LIPA: variants seen among roughly 807,000 people sequenced by gnomAD.
The protein encoded by LIPA is lipase A, lysosomal acid type.
LIPA carries 26 observed loss-of-function variants against 40.6 expected under a neutral mutation model. The ratio of observed to expected loss-of-function variants is 0.64; its 90% confidence interval spans 0.47 to 0.89. The LOEUF is 0.89. LIPA is among the 40% of genes least tolerant of loss of function. The pLI is 0.00. For missense variants in LIPA, 455 were observed against 479.6 expected (o/e 0.95, Z 0.48); for synonymous variants, 188 against 168.4 (o/e 1.12, Z -0.90).
rs906870648 is a variant in LIPA at position 89,282,581 on chromosome 10, G to A, written c.-1-34932C>T. Among the ~76,000 whole-genome samples, 12 of 152,068 alleles carry A rather than the reference G, an allele frequency of 7.9e-5. 1 individual carries two copies. In the South Asian group the frequency reaches 1.7e-3, roughly 21 times the overall value. On this transcript the variant is annotated intron_variant, in intron 1 of 5. Coordinates refer to the LIPA transcript ENST00000282673. Reference sequence around the variant, plus strand: ...CTTGAACCCAGGAGGCAGAGGTTGCGGTGAGCCGAGATCGTGCCATTGCAC... The same window carrying A: ...CTTGAACCCAGGAGGCAGAGGTTGCAGTGAGCCGAGATCGTGCCATTGCAC...
intron 8 of LIPA, among the ~76,000 whole-genome samples, chr10:89,220,165 C>T (rs1010982371): frequency 1.3e-5 from 2 of 152,200 alleles, no homozygotes; most frequent in Non-Finnish European, 2.9e-5. Context: ...TTGGTTTCAA[C>T]ATTCCCAAGG....
intron 2 of LIPA, among the ~76,000 whole-genome samples, chr10:89,379,903 C>T (rs983911131): frequency 2.6e-5 from 4 of 151,950 alleles, no homozygotes; most frequent in Non-Finnish European, 2.9e-5. Flanking sequence ...GGAGTGGTGG[C>T]GGGCGCCTGT....
chr10:89,339,228 C>T (rs758994651), intron 1 of LIPA: 6 of 1,614,162 alleles, frequency 3.7e-6, no homozygotes, highest in Non-Finnish European at 5.1e-6. Flanking sequence ...AGAAACAGTT[C>T]TCTACTGATG....
chr10:89,244,463 A>C (rs1842999874), intron 3 of LIPA, among the ~76,000 whole-genome samples: 1 of 152,134 alleles, frequency 6.6e-6, no homozygotes, highest in African/African-American at 2.4e-5. Context: ...AAGTCTCCAG[A>C]AACAAAAAAA....
chr10:89,214,931 T>C lies in LIPA; in HGVS notation c.1097A>G (p.His366Arg). 2 of 1,614,118 alleles carry C rather than the reference T, an allele frequency of 1.2e-6. No homozygotes were observed. The highest frequency in any genetic ancestry group is 2.2e-5 in the East Asian group (1 of 44,884). The change falls in exon 10 of 10, where the codon CAT (histidine) becomes CGT (arginine). Residue 366 changes from histidine to arginine, a missense_variant. His to Arg is a conservative substitution (Grantham distance 29). Transcript: ENST00000336233. The part of the protein sequence containing the change: ...LLTQITNLVF[H>R]ESIPEWEHLD... ...ATGCTCCCATTCCGGAATGCTCTCA[T>C]GGAACACCAAGTTGGTGATCTGAGT... is the stretch of plus-strand genomic sequence containing the variant.
At chr10:89,315,588 A>G (rs200813914) in intron 1 of LIPA, among the ~76,000 whole-genome samples, 3 of 33,640 alleles carry the variant, frequency 8.9e-5, no homozygotes, top group African/African-American at 5.8e-4. Context: ...AAATGAAAAG[A>G]AAAAAAAAAC....
chr10:89,306,383 G>T (rs756757180), intron 1 of LIPA: 3 of 1,614,172 alleles, frequency 1.9e-6, no homozygotes, highest in Non-Finnish European at 2.5e-6. Context: ...CTGTGAGGAA[G>T]GGTGGACACG....
At chr10:89,364,581 C>G (rs113261683) in intron 2 of LIPA, among the ~76,000 whole-genome samples, 2 of 151,380 alleles carry the variant, frequency 1.3e-5, no homozygotes, top group Non-Finnish European at 2.9e-5. Flanking sequence ...ATAACAAATC[C>G]AATCCTTTGT....
intron 1 of LIPA, among the ~76,000 whole-genome samples, chr10:89,332,265 C>T (rs915693855): frequency 3.9e-5 from 6 of 152,258 alleles, no homozygotes; most frequent in Non-Finnish European, 8.8e-5. Flanking sequence ...AGTCACGTTA[C>T]GTGAGTCAGT....
At chr10:89,345,465 G>A (rs1003960056), upstream of LIPA, among the ~76,000 whole-genome samples, 1 of 151,880 alleles carries the variant, frequency 6.6e-6, no homozygotes, top group African/African-American at 2.4e-5. Context: ...AGAGACAGAG[G>A]TTGCAGTGAG....
chr10:89,411,337 T>A (rs1013579068), intron 2 of LIPA, among the ~76,000 whole-genome samples: 1 of 152,150 alleles, frequency 6.6e-6, no homozygotes, highest in Non-Finnish European at 1.5e-5. Context: ...GAAACTCTTG[T>A]AGAAGCAGTG....
intron 1 of LIPA, among the ~76,000 whole-genome samples, chr10:89,342,068 A>AT (rs1265562310): frequency 1.3e-5 from 2 of 152,184 alleles, no homozygotes; most frequent in African/African-American, 4.8e-5. Flanking sequence ...AATATATACA[A>AT]TTTTTACATG....
At chr10:89,231,422 C>T (rs1041389) in intron 3 of LIPA, among the ~76,000 whole-genome samples, 56,876 of 151,226 alleles carry the variant, frequency 0.38, 11,180 homozygotes, top group Non-Finnish European at 0.45. Context: ...GTGCTATACC[C>T]TCGTGTTGTT....
chr10:89,369,876 C>T (rs1379049882), intron 2 of LIPA, among the ~76,000 whole-genome samples: 3 of 152,166 alleles, frequency 2.0e-5, no homozygotes, highest in Non-Finnish European at 4.4e-5. Context: ...TACTATATTC[C>T]CCACATACAG....
chr10:89,378,790 G>A (rs1377233797), intron 2 of LIPA, among the ~76,000 whole-genome samples: 7 of 152,190 alleles, frequency 4.6e-5, no homozygotes, highest in Admixed American at 2.0e-4. Flanking sequence ...TACAGAGCTC[G>A]CTTAGTAAGG....
At chr10:89,407,725 T>G (rs899547981) in intron 2 of LIPA, among the ~76,000 whole-genome samples, 2 of 152,164 alleles carry the variant, frequency 1.3e-5, no homozygotes, top group Non-Finnish European at 2.9e-5. Context: ...AGGAGAATGC[T>G]TAGGACTCTA....
At chr10:89,345,910 C>T (rs1207045972), upstream of LIPA, among the ~76,000 whole-genome samples, 1 of 152,066 alleles carries the variant, frequency 6.6e-6, no homozygotes, top group East Asian at 1.9e-4. Context: ...CCGAAATTTT[C>T]GGAATTAATG....
At chr10:89,402,472 G>GACAGAATGAGGAAGC in intron 2 of LIPA, 1 of 1,614,148 alleles carries the variant, frequency 6.2e-7, no homozygotes. Flanking sequence ...CACCTGAAAG[G>GACAGAATGAGGAAGC]CCAGAATGAG....
At chr10:89,321,978 C>T in intron 1 of LIPA, among the ~76,000 whole-genome samples, 1 of 152,040 alleles carries the variant, frequency 6.6e-6, no homozygotes, top group Admixed American at 6.6e-5. Context: ...GACAGAAAAC[C>T]AAACACCGCA....
Sources: allele counts gnomAD v4.1 joint callset (sites outside exome capture counted in the v4.1 genomes callset), GRCh38; gene constraint gnomAD v4.1.1; transcripts MANE v1.5; gene names NCBI Gene and HGNC (gene_info 2026-07-23, HGNC 2026-07-21).